LCLAT1: variants seen among roughly 807,000 people sequenced by gnomAD.
LCLAT1 encodes 1-AGP acyltransferase 8.
A neutral mutation model predicts 30.7 loss-of-function variants in LCLAT1; 11 were observed. That is an observed-to-expected ratio of 0.36 (90% CI 0.23 to 0.59). LCLAT1 has a LOEUF of 0.59. Among genes scored for constraint, LCLAT1 ranks in the 20% least tolerant of loss-of-function variants. The probability of loss-of-function intolerance (pLI) is 0.77; values close to 1 mark genes in which losing one functional copy is unlikely to be tolerated. For missense variants in LCLAT1, 402 were observed against 458.6 expected (o/e 0.88, Z 1.13); for synonymous variants, 155 against 151.3 (o/e 1.02, Z -0.18).
At chr2:30,489,357 CTTT>C (rs11322850) in intron 1 of LCLAT1, 2 of 146,324 alleles carry the variant, frequency 1.4e-5, no homozygotes, top group Admixed American at 6.8e-5. Flanking sequence ...TTCTTTCTTT[CTTT>C]TTTTTTTTTT....
At chr2:30,584,904 A>G (rs1322311597) in intron 5 of LCLAT1, among the ~76,000 whole-genome samples, 2 of 151,740 alleles carry the variant, frequency 1.3e-5, no homozygotes, top group African/African-American at 2.4e-5. Flanking sequence ...CCAGTGGAAG[A>G]ACCACTTGCT....
chr2:30,638,619 C>G (rs1240300851), intron 5 of LCLAT1, among the ~76,000 whole-genome samples: 1 of 152,204 alleles, frequency 6.6e-6, no homozygotes, highest in African/African-American at 2.4e-5. Context: ...GGCAAAATTC[C>G]AAACTTCTCG....
chr2:30,539,126 A>C lies in LCLAT1; in HGVS notation c.364+5812A>C, dbSNP rs893614150. Among the ~76,000 whole-genome samples, 8 of 151,498 alleles carry C rather than the reference A, an allele frequency of 5.3e-5. 1 individual carries two copies. Among genetic ancestry groups the C allele is most frequent in the Admixed American group, 5.3e-4 (8 of 15,192 alleles). On this transcript the variant is annotated intron_variant, in intron 3 of 5. Coordinates refer to ENST00000379509, the MANE Select transcript of LCLAT1 (RefSeq NM_001002257.3). Reference sequence around the variant, plus strand: ...AGGCGCACGCCACCACGCCCAGCTAATTTTTGTATCTTTAGTAGAGATGGG... The same window carrying C: ...AGGCGCACGCCACCACGCCCAGCTACTTTTTGTATCTTTAGTAGAGATGGG...
chr2:30,544,076 A>G (rs983572530), intron 3 of LCLAT1, among the ~76,000 whole-genome samples: 15 of 152,072 alleles, frequency 9.9e-5, no homozygotes, highest in Admixed American at 2.6e-4. Flanking sequence ...TGTGTGTTGT[A>G]TTCACATATT....
intron 5 of LCLAT1, among the ~76,000 whole-genome samples, chr2:30,623,093 G>A (rs147168639): frequency 0.011 from 1,339 of 126,908 alleles, 23 homozygotes; most frequent in African/African-American, 0.038. Context: ...TCACTCTGTC[G>A]CCAGGGCTAG....
At chr2:30,483,566 G>A (rs1435528175) in intron 1 of LCLAT1, among the ~76,000 whole-genome samples, 1 of 152,094 alleles carries the variant, frequency 6.6e-6, no homozygotes, top group East Asian at 1.9e-4. Flanking sequence ...GCCTGGCAAA[G>A]TGTCTGGCAT....
intron 1 of LCLAT1, among the ~76,000 whole-genome samples, chr2:30,460,866 A>G (rs568654445): frequency 1.3e-5 from 2 of 152,284 alleles, no homozygotes; most frequent in Middle Eastern, 3.4e-3. Context: ...GAAGCCCCAT[A>G]TAAAAACCCT....
intron 5 of LCLAT1, among the ~76,000 whole-genome samples, chr2:30,631,359 G>A (rs1047198714): frequency 2.1e-4 from 32 of 152,180 alleles, no homozygotes; most frequent in African/African-American, 7.5e-4. Flanking sequence ...CCAGTCCCCA[G>A]TAACGGATAT....
chr2:30,514,364 T>G (rs1685082375), intron 1 of LCLAT1, among the ~76,000 whole-genome samples: 1 of 152,236 alleles, frequency 6.6e-6, no homozygotes, highest in South Asian at 2.1e-4. Context: ...AAAGGCTTTT[T>G]GAGATTAGGA....
At chr2:30,454,370 A>G (rs1486146344) in intron 1 of LCLAT1, among the ~76,000 whole-genome samples, 1 of 152,194 alleles carries the variant, frequency 6.6e-6, no homozygotes, top group Non-Finnish European at 1.5e-5. Context: ...GTAGTGCTCA[A>G]CCTGGACAGT....
chr2:30,526,661 A>G (rs1402648727), intron 2 of LCLAT1, among the ~76,000 whole-genome samples: 1 of 152,126 alleles, frequency 6.6e-6, no homozygotes, highest in East Asian at 1.9e-4. Context: ...AGTTGGCAGG[A>G]TCTCTTAATG....
intron 5 of LCLAT1, among the ~76,000 whole-genome samples, chr2:30,635,426 GTCTT>G (rs1053376654): frequency 2.0e-5 from 3 of 151,964 alleles, no homozygotes; most frequent in Non-Finnish European, 4.4e-5. Context: ...GGTGTAAGCT[GTCTT>G]TCTTCTCTCC....
intron 1 of LCLAT1, among the ~76,000 whole-genome samples, chr2:30,524,215 C>G (rs1685603127): frequency 2.0e-5 from 3 of 152,076 alleles, no homozygotes; most frequent in Non-Finnish European, 2.9e-5. Flanking sequence ...TTTAAAACAT[C>G]TGTATGATGT....
At chr2:30,461,802 G>C (rs1307216846) in intron 1 of LCLAT1, among the ~76,000 whole-genome samples, 5 of 112,296 alleles carry the variant, frequency 4.5e-5, no homozygotes, top group Non-Finnish European at 9.4e-5. Flanking sequence ...ACGGAGTCTC[G>C]CTCTGTCGCC....
Position 30,601,896 on chromosome 2 carries a change from GATATAT to G in LCLAT1, c.628+33726_628+33731del, listed in dbSNP as rs756949963. 2.6e-5 allele frequency among the ~76,000 whole-genome samples: 3 copies of G among 114,612 alleles called. No individual in the cohort carries two copies. In the South Asian group the frequency reaches 1.0e-3, roughly 40 times the overall value. The allele number at this position is 114,612 out of a possible 152,430, so 75.2% of individuals were successfully genotyped here. ...CTATCTATAGATATATATATCTATA[GATATAT>G]ATATAATGTTAAACTATAAAAACTT... On this transcript the variant is annotated intron_variant, in intron 5 of 5. Coordinates refer to ENST00000379509, the MANE Select transcript of LCLAT1 (RefSeq NM_001002257.3).
chr2:30,618,093 T>C (rs1383326904), intron 5 of LCLAT1, among the ~76,000 whole-genome samples: 1 of 152,178 alleles, frequency 6.6e-6, no homozygotes, highest in East Asian at 1.9e-4. Flanking sequence ...TGTTCATCTG[T>C]TTCTAGACTC....
rs1669228794 is a variant in LCLAT1, at chr2:30,640,221, T to A, written c.733T>A (p.Phe245Ile). ...LQGDFPREIH[F>I]HVHRYPIDTL... ...AGGAGACTTTCCCAGGGAAATCCAC[T>A]TTCACGTCCACCGGTATCCAATAGA... The change falls in exon 6 of 6, where the codon TTT (phenylalanine) becomes ATT (isoleucine). Residue 245 changes from phenylalanine (F) to isoleucine (I), a missense_variant. By Grantham distance (21) the Phe-to-Ile change is conservative (BLOSUM62 0). Transcript: ENST00000379509. 1 of 1,613,984 alleles carries A rather than the reference T, an allele frequency of 6.2e-7. No homozygotes were observed. Among genetic ancestry groups the A allele is most frequent in the Non-Finnish European group, 8.5e-7 (1 of 1,179,972 alleles).
At chr2:30,549,245 A>G (rs1034335280) in intron 3 of LCLAT1, among the ~76,000 whole-genome samples, 1 of 152,156 alleles carries the variant, frequency 6.6e-6, no homozygotes. Flanking sequence ...CATTAATGCA[A>G]TTGGTTACCT....
chr2:30,515,851 T>C (rs1685155384), intron 1 of LCLAT1, among the ~76,000 whole-genome samples: 1 of 152,190 alleles, frequency 6.6e-6, no homozygotes, highest in Non-Finnish European at 1.5e-5. Context: ...TTGTCAGTTA[T>C]TTAACCCAAT....
Sources: gnomAD v4.1 joint callset for allele counts (sites outside exome capture counted in the v4.1 genomes callset) on GRCh38, gnomAD v4.1.1 for gene constraint, MANE v1.5 for transcripts, NCBI Gene and HGNC (gene_info 2026-07-23, HGNC 2026-07-21) for gene names.